The following CHST8 variants were observed in gnomAD, a reference collection of about 807,000 sequenced individuals.
The protein encoded by CHST8 is carbohydrate sulfotransferase 8, also known as GALNAC-4-ST1.
A neutral mutation model predicts 15.0 loss-of-function variants in CHST8; 10 were observed. That is an observed-to-expected ratio of 0.67 (90% CI 0.41 to 1.13). The LOEUF (loss-of-function observed/expected upper bound fraction) is 1.13, where lower values mean the gene tolerates loss of function less well. Ranked by LOEUF, CHST8 falls within the 50% of genes most tolerant of loss-of-function variation. The pLI, the probability that CHST8 is intolerant of heterozygous loss-of-function variation, is 0.00. For synonymous variants in CHST8, 259 were observed against 256.6 expected (o/e 1.01, Z -0.09); for missense variants, 634 against 608.2 (o/e 1.04, Z -0.45).
chr19:33,690,967 G>A (rs1305856514), intron 3 of CHST8, among the ~76,000 whole-genome samples: 1 of 152,218 alleles, frequency 6.6e-6, no homozygotes, highest in African/African-American at 2.4e-5. Flanking sequence ...GGTCCAGGCG[G>A]CCAGTACCCA....
intron 2 of CHST8, among the ~76,000 whole-genome samples, chr19:33,669,582 C>T (rs1007251019): frequency 4.6e-5 from 7 of 151,998 alleles, no homozygotes; most frequent in African/African-American, 1.4e-4. Context: ...GGATCCAAAA[C>T]GCCTGCCACC....
chr19:33,630,438 C>T (rs1254961601), intron 1 of CHST8, among the ~76,000 whole-genome samples: 2 of 151,856 alleles, frequency 1.3e-5, no homozygotes, highest in Non-Finnish European at 2.9e-5. Context: ...GTGTGTGGTG[C>T]AGGCAGTCTG....
At chr19:33,639,846 T>C (rs947771754) in intron 1 of CHST8, among the ~76,000 whole-genome samples, 36 of 151,774 alleles carry the variant, frequency 2.4e-4, no homozygotes, top group African/African-American at 8.2e-4. Flanking sequence ...TCAAATTTTT[T>C]TTTTTTTTTT....
intron 3 of CHST8, among the ~76,000 whole-genome samples, chr19:33,731,587 T>C (rs979102267): frequency 6.6e-6 from 1 of 152,208 alleles, no homozygotes; most frequent in Non-Finnish European, 1.5e-5. Flanking sequence ...TGTATCTTGT[T>C]CCAACCTCCT....
chr19:33,766,955 C>G (rs1209768689), intron 3 of CHST8, among the ~76,000 whole-genome samples: 1 of 152,270 alleles, frequency 6.6e-6, no homozygotes, highest in Admixed American at 6.5e-5. Context: ...AACTCCACCA[C>G]AGACAGGGAC....
chr19:33,661,599 T>A (rs1345470667), intron 1 of CHST8, among the ~76,000 whole-genome samples: 2 of 152,190 alleles, frequency 1.3e-5, no homozygotes, highest in African/African-American at 4.8e-5. Context: ...GCCCACTGCC[T>A]CACCACATTC....
At chr19:33,638,787 G>A (rs1304927964) in intron 1 of CHST8, among the ~76,000 whole-genome samples, 1 of 152,112 alleles carries the variant, frequency 6.6e-6, no homozygotes, top group Admixed American at 6.5e-5. Flanking sequence ...GGTTCTCCAA[G>A]TGACCTTGGA....
intron 1 of CHST8, among the ~76,000 whole-genome samples, chr19:33,659,716 G>A (rs1246578911): frequency 6.6e-6 from 1 of 152,056 alleles, no homozygotes; most frequent in Non-Finnish European, 1.5e-5. Context: ...AGGCTGAGGT[G>A]GGAGGATCAC....
chr19:33,761,078 C>T (rs927893140), intron 3 of CHST8, among the ~76,000 whole-genome samples: 7 of 152,212 alleles, frequency 4.6e-5, no homozygotes, highest in African/African-American at 7.2e-5. Context: ...CAACATCCCA[C>T]GTGGGAAGCA....
At chr19:33,733,659 C>G (rs1974033021) in intron 3 of CHST8, among the ~76,000 whole-genome samples, 1 of 152,194 alleles carries the variant, frequency 6.6e-6, no homozygotes, top group South Asian at 2.1e-4. Flanking sequence ...TCTGTCAGTT[C>G]CATTCTGATT....
chr19:33,716,938 T>C (rs142746761), intron 3 of CHST8, among the ~76,000 whole-genome samples: 8 of 152,276 alleles, frequency 5.3e-5, no homozygotes, highest in African/African-American at 1.9e-4. Context: ...TGTCCTCCCA[T>C]GGTTTTCCCT....
At chr19:33,700,952 A>G (rs185491222) in intron 3 of CHST8, among the ~76,000 whole-genome samples, 132 of 152,330 alleles carry the variant, frequency 8.7e-4, no homozygotes, top group Admixed American at 8.6e-3. Flanking sequence ...CCCAAGTGCC[A>G]GAAATAGGCA....
intron 1 of CHST8, among the ~76,000 whole-genome samples, chr19:33,624,665 A>G (rs546319582): frequency 5.3e-5 from 8 of 152,126 alleles, no homozygotes; most frequent in Non-Finnish European, 1.2e-4. Flanking sequence ...TAAAAAGGGG[A>G]GAGTCAGATT....
In CHST8 at chr19:33,720,741, A is replaced by T. The variant is rs1973774015; in HGVS notation, c.130+31350A>T. On this transcript the variant is annotated intron_variant, in intron 3 of 4. Transcript: ENST00000650847. Reference sequence around the variant, plus strand: ...GGGAGCTGGGCAGGCAGTGGTATGCAGTGTCAGGAGCCTCCAGGGCAGGCC... The same window carrying T: ...GGGAGCTGGGCAGGCAGTGGTATGCTGTGTCAGGAGCCTCCAGGGCAGGCC... 2.6e-5 allele frequency among the ~76,000 whole-genome samples: 4 copies of T among 152,244 alleles called. No homozygotes were observed. In the South Asian group the frequency reaches 8.3e-4, roughly 32 times the overall value.
chr19:33,670,964 G>C (rs1189805277), intron 2 of CHST8, among the ~76,000 whole-genome samples: 1 of 152,170 alleles, frequency 6.6e-6, no homozygotes, highest in Non-Finnish European at 1.5e-5. Context: ...CTATGTAGCT[G>C]GTAAGTGGAG....
chr19:33,773,448 C>G lies in CHST8; in HGVS notation c.*385C>G, dbSNP rs112639531. The G allele has an allele frequency of 6.5e-5, 14 of 215,802 alleles. No individual in the cohort carries two copies. Among genetic ancestry groups the G allele is most frequent in the South Asian group, 1.1e-4 (1 of 8,904 alleles). The allele number at this position is 215,802 out of a possible 1,614,324, so 13.4% of individuals were successfully genotyped here. A position where few individuals can be genotyped will look rare whatever the true frequency, so the allele number is the denominator to read the frequency against. On this transcript the variant is annotated 3_prime_UTR_variant, in exon 5 of 5. Transcript: ENST00000650847. The stretch of plus-strand genomic sequence containing the variant: ...AACCACGTGGTTTGCAGCTTTTCTA[C>G]GAGCCAGGGGGGAGGTTCCCTTGGA...
chr19:33,659,902 T>C (rs1972564312), intron 1 of CHST8, among the ~76,000 whole-genome samples: 1 of 152,240 alleles, frequency 6.6e-6, no homozygotes, highest in African/African-American at 2.4e-5. Context: ...TTTTGTAGAC[T>C]TGGAAGCTAT....
In CHST8 at chr19:33,703,852, A is replaced by G. The variant is rs996619820; in HGVS notation, c.130+14461A>G. Among the ~76,000 whole-genome samples, 49 of 152,228 alleles carry G rather than the reference A, an allele frequency of 3.2e-4. 1 individual carries two copies. Among genetic ancestry groups the G allele is most frequent in the African/African-American group, 1.2e-3 (48 of 41,462 alleles). On this transcript the variant is annotated intron_variant, in intron 3 of 4. Transcript: ENST00000650847. ...GTGGAAGTCAGTGGAAGATTCGCTC[A>G]TTTTGAAATTTTATTTTATGTGGGG...
At chr19:33,765,555 CAG>C (rs3073708) in intron 3 of CHST8, among the ~76,000 whole-genome samples, 32,477 of 124,900 alleles carry the variant, frequency 0.26, 4,007 homozygotes, top group African/African-American at 0.29. Context: ...GTGTGTGTGT[CAG>C]AGAGAGAGAG....
Sources: gnomAD v4.1 joint callset for allele counts (sites outside exome capture counted in the v4.1 genomes callset) on GRCh38, gnomAD v4.1.1 for gene constraint, MANE v1.5 for transcripts, NCBI Gene and HGNC (gene_info 2026-07-23, HGNC 2026-07-21) for gene names.